TRAPPC10: variants seen among roughly 807,000 people sequenced by gnomAD.
TRAPPC10 encodes TRAPP 130 kDa subunit.
TRAPPC10 carries 23 observed loss-of-function variants against 125.5 expected under a neutral mutation model. That is an observed-to-expected ratio of 0.18 (90% CI 0.13 to 0.26). The LOEUF (loss-of-function observed/expected upper bound fraction) is 0.26, where lower values mean the gene tolerates loss of function less well. TRAPPC10 is among the 10% of genes least tolerant of loss of function. TRAPPC10 has a pLI of 1.00. For missense variants in TRAPPC10, 1,123 were observed against 1,308.4 expected (o/e 0.86, Z 2.19); for synonymous variants, 509 against 518.0 (o/e 0.98, Z 0.24).
At chr21:44,081,017 CTTTT>C (rs67865929) in intron 13 of TRAPPC10, among the ~76,000 whole-genome samples, 2 of 97,226 alleles carry the variant, frequency 2.1e-5, no homozygotes, top group Admixed American at 2.2e-4. Flanking sequence ...TTTTTTTTTT[CTTTT>C]TTTTTTTTTT....
At chr21:44,031,943 A>G in intron 1 of TRAPPC10, 148 bp from the exon 2 acceptor site, 2 of 663,758 alleles carry the variant, frequency 3.0e-6, no homozygotes, top group Non-Finnish European at 5.3e-6. Flanking sequence ...GAGACGTGTT[A>G]TGTAGAGGCA....
intron 6 of TRAPPC10, among the ~76,000 whole-genome samples, chr21:44,061,624 T>G (rs191706177): frequency 8.5e-5 from 13 of 152,286 alleles, no homozygotes; most frequent in African/African-American, 3.1e-4. Flanking sequence ...GCAAAAAACG[T>G]TTGAATTTAA....
chr21:44,085,113 G>T (rs2038039834), intron 15 of TRAPPC10, among the ~76,000 whole-genome samples: 1 of 152,166 alleles, frequency 6.6e-6, no homozygotes, highest in Admixed American at 6.5e-5. Flanking sequence ...CTCCCTGGAG[G>T]TTGGGTGCCA....
intron 3 of TRAPPC10, chr21:44,047,075 A>G (rs550816864): frequency 4.4e-6 from 3 of 687,128 alleles, no homozygotes; most frequent in East Asian, 3.2e-5. Flanking sequence ...CAAGCAAGGC[A>G]GAGAAAGGGC....
rs192782398 is a variant in TRAPPC10 at position 44,083,408 on chromosome 21, C to G, written c.2238+106C>G. ...TGTGAATTGAGTAGAGTCCTTTGTT[C>G]TCCTAACCCTGTTTTTGTCTCTGTC... On this transcript the variant is annotated intron_variant, in intron 14 of 22. Transcript: ENST00000291574. 44 of 1,267,662 alleles carry G rather than the reference C, an allele frequency of 3.5e-5. No homozygotes were observed. The South Asian group carries it at 6.1e-4, about 18-fold the overall frequency. 78.5% of individuals were successfully genotyped at this position (1,267,662 alleles called of 1,614,324 possible).
intron 1 of TRAPPC10, among the ~76,000 whole-genome samples, chr21:44,015,518 C>A (rs181882947): frequency 1.0e-3 from 159 of 152,138 alleles, no homozygotes; most frequent in African/African-American, 3.6e-3. Flanking sequence ...GCTCAAGTGA[C>A]CCCTCCCTTA....
Position 44,063,158 on chromosome 21 carries a change from C to T in TRAPPC10, c.791-380C>T. On this transcript the variant is annotated intron_variant, in intron 6 of 22. Transcript: ENST00000291574. The surrounding 1 kb of genome is among the most constrained non-coding windows in gnomAD (Gnocchi z 4.4). ...CAGGATGGTCAGAGCAGGCTGCACT[C>T]CAGCCCACAGGTAAAGATAAGGAAG... 1 of 1,303,442 alleles carries T rather than the reference C, an allele frequency of 7.7e-7. No homozygotes were observed. Among genetic ancestry groups the T allele is most frequent in the Non-Finnish European group, 1.0e-6 (1 of 992,272 alleles). The allele number at this position is 1,303,442 out of a possible 1,614,324, so 80.7% of individuals were successfully genotyped here.
At chr21:44,086,716 A>G (rs1321265032) in intron 15 of TRAPPC10, 86 bp from the exon 16 acceptor site, 13 of 1,412,196 alleles carry the variant, frequency 9.2e-6, no homozygotes, top group Non-Finnish European at 1.3e-5. Context: ...AGTAAAAGAA[A>G]TAGAGCCCCT....
intron 7 of TRAPPC10, among the ~76,000 whole-genome samples, chr21:44,066,877 G>A (rs2036488879): frequency 6.6e-6 from 1 of 152,202 alleles, no homozygotes; most frequent in African/African-American, 2.4e-5. Flanking sequence ...CCCATTTTCA[G>A]TCATGCTAGT....
At chr21:44,084,432 T>C (rs2037986067) in intron 15 of TRAPPC10, among the ~76,000 whole-genome samples, 169 bp downstream of exon 15, 1 of 152,232 alleles carries the variant, frequency 6.6e-6, no homozygotes, top group South Asian at 2.1e-4. Flanking sequence ...CTCTTTTGTT[T>C]ATCTGAATGT....
intron 8 of TRAPPC10, among the ~76,000 whole-genome samples, 188 bp downstream of exon 8, chr21:44,074,658 C>T (rs918682946): frequency 2.6e-5 from 4 of 152,218 alleles, no homozygotes; most frequent in African/African-American, 7.2e-5. Flanking sequence ...TCGATGTAGT[C>T]AGCAGACAGC....
intron 3 of TRAPPC10, among the ~76,000 whole-genome samples, chr21:44,048,806 T>G (rs2035039797): frequency 1.3e-5 from 2 of 151,270 alleles, no homozygotes; most frequent in South Asian, 2.1e-4. Flanking sequence ...TGTTTTTTTT[T>G]TTTTTTTTTT....
chr21:44,061,181 G>T (rs2036024432), intron 6 of TRAPPC10, among the ~76,000 whole-genome samples: 2 of 151,920 alleles, frequency 1.3e-5, no homozygotes, highest in South Asian at 4.2e-4. Flanking sequence ...CTGTAGCCCA[G>T]GCTGGAGTGC....
intron 2 of TRAPPC10, among the ~76,000 whole-genome samples, chr21:44,032,846 C>T (rs2033697191): frequency 6.6e-6 from 1 of 152,220 alleles, no homozygotes; most frequent in Non-Finnish European, 1.5e-5. Flanking sequence ...TTAGACTCCA[C>T]CTTAAAGCGG....
chr21:44,034,515 G>A (rs1266845708), intron 2 of TRAPPC10, among the ~76,000 whole-genome samples: 1 of 152,154 alleles, frequency 6.6e-6, no homozygotes, highest in African/African-American at 2.4e-5. Context: ...CCAGATCCAT[G>A]CTTCCTAGGC....
chr21:44,024,003 C>T (rs545722008), intron 1 of TRAPPC10, among the ~76,000 whole-genome samples: 3 of 152,300 alleles, frequency 2.0e-5, no homozygotes, highest in Admixed American at 6.5e-5. Flanking sequence ...CCAAGCTGGT[C>T]TCAAATTCCC....
chr21:44,015,917 A>G (rs1478297415), intron 1 of TRAPPC10, among the ~76,000 whole-genome samples: 1 of 152,166 alleles, frequency 6.6e-6, no homozygotes, highest in Non-Finnish European at 1.5e-5. Flanking sequence ...CCTGGCCCTA[A>G]ATGTTTTAAT....
chr21:44,037,789 C>T lies in TRAPPC10; in HGVS notation c.150-3C>T. The T allele has an allele frequency of 1.2e-6, 2 of 1,611,556 alleles. No homozygotes were observed. Among genetic ancestry groups the T allele is most frequent in the South Asian group, 1.1e-5 (1 of 90,742 alleles). ...CTCAGTGACTTCAAACAATTGTTTA[C>T]AGGTCCTATGGCCGGGCTCCGAAGA... On this transcript the variant is annotated splice_region_variant and splice_polypyrimidine_tract_variant and intron_variant, in intron 2 of 22. Transcript: ENST00000291574.
rs1366823352 is a variant in TRAPPC10 at position 44,089,854 on chromosome 21, T to C, written c.2791T>C (p.Ser931Pro). 1 of 1,613,844 alleles carries C rather than the reference T, an allele frequency of 6.2e-7. No individual in the cohort carries two copies. ...DHKVSIDCPW[S>P]IYSTVIALTF... ...TCAGGTGTCGATTGACTGCCCGTGG[T>C]CCATCTACTCCACAGTCATCGCACT... is the stretch of plus-strand genomic sequence containing the variant. The change falls in exon 18 of 23, where the codon TCC becomes CCC. Residue 931 changes from serine to proline, a missense_variant. Physicochemically the swap from Ser to Pro is moderately conservative, Grantham distance 74 (BLOSUM62 -1). Transcript: ENST00000291574.
Sources: gnomAD v4.1 joint callset for allele counts (sites outside exome capture counted in the v4.1 genomes callset) on GRCh38, gnomAD v4.1.1 for gene constraint, Gnocchi (gnomAD v3.1) non-coding constraint, MANE v1.5 for transcripts, NCBI Gene and HGNC (gene_info 2026-07-23, HGNC 2026-07-21) for gene names.